The following RASGRP3 variants were observed in gnomAD, a reference collection of about 807,000 sequenced individuals.
The protein encoded by RASGRP3 is RAS guanyl releasing protein 3.
RASGRP3 carries 54 observed loss-of-function variants against 82.7 expected under a neutral mutation model. The observed-to-expected ratio is 0.65, with a 90% CI of 0.52 to 0.82. The LOEUF is 0.82. RASGRP3 is among the 40% of genes least tolerant of loss of function. The probability of loss-of-function intolerance (pLI) is 0.00; values close to 1 mark genes in which losing one functional copy is unlikely to be tolerated. For synonymous variants in RASGRP3, 309 were observed against 300.5 expected, an observed-to-expected ratio of 1.03 and a Z score of -0.29; for missense variants, 861 against 828.9, an observed-to-expected ratio of 1.04 and a Z score of -0.48.
In RASGRP3 at chr2:33,543,595, C is replaced by A; in HGVS notation, c.1362C>A (p.Phe454Leu). Residue 454 changes from phenylalanine (F) to leucine (L), a missense_variant, in exon 13 of 18, where the codon TTC becomes TTA. Coordinates refer to ENST00000403687, the MANE Select transcript of RASGRP3 (RefSeq NM_001139488.2). ...AAAGTATAGCTGCCAATTTTCCCTTCTTGGATTCCTTCTGTGTTCTGGACA... is the reference window on the plus strand; with the variant it reads ...AAAGTATAGCTGCCAATTTTCCCTTATTGGATTCCTTCTGTGTTCTGGACA... ...DFESIAANFP[F>L]LDSFCVLDKD... The A allele has an allele frequency of 6.2e-7, 1 of 1,607,532 alleles. No individual in the cohort carries two copies. Among genetic ancestry groups the A allele is most frequent in the Non-Finnish European group, 8.5e-7 (1 of 1,174,592 alleles).
upstream of RASGRP3, among the ~76,000 whole-genome samples, chr2:33,472,628 G>T (rs560133494): frequency 1.3e-5 from 2 of 152,256 alleles, no homozygotes; most frequent in African/African-American, 4.8e-5. Context: ...CGCCATGGGA[G>T]AGCTTTTCAA....
At chr2:33,537,330 C>CACA (rs149899270) in intron 11 of RASGRP3, among the ~76,000 whole-genome samples, 3,702 of 95,634 alleles carry the variant, frequency 0.039, 512 homozygotes, top group East Asian at 0.33. Flanking sequence ...ACCGCCCCCC[C>CACA]CACACACACA....
intron 16 of RASGRP3, 145 bp downstream of exon 16, chr2:33,558,481 C>T: frequency 7.6e-7 from 1 of 1,317,566 alleles, no homozygotes; most frequent in Non-Finnish European, 1.0e-6. Context: ...TAGCTAAACC[C>T]TTGAATCATC....
chr2:33,500,296 G>A (rs1484181131), intron 1 of RASGRP3, among the ~76,000 whole-genome samples: 1 of 152,144 alleles, frequency 6.6e-6, no homozygotes, highest in African/African-American at 2.4e-5. Context: ...TTTGGAGACA[G>A]GAGTTCCGCA....
At chr2:33,556,239 T>A (rs1205213896) in intron 15 of RASGRP3, among the ~76,000 whole-genome samples, 1 of 16,122 alleles carries the variant, frequency 6.2e-5, no homozygotes. Context: ...ATCTTTTTTT[T>A]TTTTTTTTTT....
At chr2:33,457,306 T>C (rs1206735238) in intron 2 of RASGRP3, among the ~76,000 whole-genome samples, 1 of 152,216 alleles carries the variant, frequency 6.6e-6, no homozygotes, top group Non-Finnish European at 1.5e-5. Context: ...TAAAAAAACC[T>C]GGAACCCTCT....
intron 12 of RASGRP3, 39 bp from the exon 13 acceptor site, chr2:33,543,473 C>T (rs903437061): frequency 4.5e-6 from 6 of 1,328,884 alleles, no homozygotes; most frequent in Non-Finnish European, 6.4e-6. Context: ...CAGAGCCTGC[C>T]TTATAGTCAT....
At chr2:33,442,703 T>C (rs1574213921) in intron 1 of RASGRP3, among the ~76,000 whole-genome samples, 1 of 152,192 alleles carries the variant, frequency 6.6e-6, no homozygotes, top group East Asian at 1.9e-4. Flanking sequence ...TTTTTCATAA[T>C]TGTTTTAGTA....
chr2:33,550,961 G>T (rs1675298711), intron 14 of RASGRP3, among the ~76,000 whole-genome samples: 1 of 152,190 alleles, frequency 6.6e-6, no homozygotes, highest in Non-Finnish European at 1.5e-5. Flanking sequence ...CTGCAGAGAA[G>T]GTGAAGTTCT....
At chr2:33,449,484 G>A (rs539088315) in intron 2 of RASGRP3, among the ~76,000 whole-genome samples, 7 of 152,074 alleles carry the variant, frequency 4.6e-5, no homozygotes, top group Admixed American at 2.6e-4. Context: ...TATTTAGGCC[G>A]GGCGCGGTGG....
intron 1 of RASGRP3, among the ~76,000 whole-genome samples, chr2:33,477,853 G>A (rs1002146653): frequency 2.4e-4 from 37 of 152,126 alleles, no homozygotes; most frequent in Middle Eastern, 3.2e-3. Flanking sequence ...TCTTGAGGAG[G>A]GTGGGCAGAG....
Position 33,523,911 on chromosome 2 carries a change from C to T in RASGRP3, c.549C>T (p.Gly183=), listed in dbSNP as rs1672275243. 6.2e-7 allele frequency: 1 copy of T among 1,613,324 alleles called. No homozygotes were observed. The highest frequency in any genetic ancestry group is 1.3e-5 in the African/African-American group (1 of 74,912). ...ATTACCAAAGCTATGTCATCCATGGCTGCCTGGAGAATAATCCAACCTTGG... is the reference window on the plus strand; with the variant it reads ...ATTACCAAAGCTATGTCATCCATGGTTGCCTGGAGAATAATCCAACCTTGG... The part of the protein sequence containing the change: ...FTDYQSYVIH[G]CLENNPTLER... Residue 183 remains glycine (G), a synonymous_variant, in exon 8 of 18, where the codon GGC becomes GGT. Transcript: ENST00000403687.
At chr2:33,510,753 G>C (rs112976298) in intron 1 of RASGRP3, among the ~76,000 whole-genome samples, 1 of 152,104 alleles carries the variant, frequency 6.6e-6, no homozygotes, top group Non-Finnish European at 1.5e-5. Context: ...AGTAAAGTAC[G>C]CAGCATTATG....
intron 1 of RASGRP3, among the ~76,000 whole-genome samples, chr2:33,445,455 AT>A (rs1227007744): frequency 2.0e-5 from 3 of 152,242 alleles, no homozygotes; most frequent in Non-Finnish European, 2.9e-5. Flanking sequence ...CATTCATTGC[AT>A]GATTTACAAA....
chr2:33,525,800 C>A (rs1217702545), intron 9 of RASGRP3, among the ~76,000 whole-genome samples: 2 of 151,376 alleles, frequency 1.3e-5, no homozygotes, highest in Non-Finnish European at 2.9e-5. Flanking sequence ...TCACTTGAGC[C>A]CAGGAGTTTG....
At chr2:33,501,615 TC>T (rs1669885633) in intron 1 of RASGRP3, among the ~76,000 whole-genome samples, 1 of 152,228 alleles carries the variant, frequency 6.6e-6, no homozygotes, top group Admixed American at 6.5e-5. Flanking sequence ...CAATCCCAAG[TC>T]CACCTGTCTC....
Position 33,562,791 on chromosome 2 carries a change from C to G in RASGRP3, c.*54C>G. 1.3e-6 allele frequency: 2 copies of G among 1,591,786 alleles called. No homozygotes were observed. Among genetic ancestry groups the G allele is most frequent in the South Asian group, 2.2e-5 (2 of 90,310 alleles). On this transcript the variant is annotated 3_prime_UTR_variant, in exon 18 of 18. Coordinates refer to ENST00000403687, the MANE Select transcript of RASGRP3 (RefSeq NM_001139488.2). Reference sequence around the variant, plus strand: ...ATGTTGGCTTTTGGAAGGGGCAAGACGAGAAACTCTGAAGAAAGCTCTGAC... The same window carrying G: ...ATGTTGGCTTTTGGAAGGGGCAAGAGGAGAAACTCTGAAGAAAGCTCTGAC...
intron 1 of RASGRP3, among the ~76,000 whole-genome samples, chr2:33,508,991 C>G (rs1211096386): frequency 6.6e-6 from 1 of 152,186 alleles, no homozygotes; most frequent in African/African-American, 2.4e-5. Flanking sequence ...AGAACTAAAG[C>G]AAGGCTGGCA....
intron 1 of RASGRP3, among the ~76,000 whole-genome samples, chr2:33,511,086 C>A (rs1670884087): frequency 6.6e-6 from 1 of 152,252 alleles, no homozygotes; most frequent in Admixed American, 6.5e-5. Flanking sequence ...AAAAATAACA[C>A]TTTTCTTTTA....
Sources: allele counts gnomAD v4.1 joint callset (sites outside exome capture counted in the v4.1 genomes callset), GRCh38; gene constraint gnomAD v4.1.1; transcripts MANE v1.5; gene names NCBI Gene and HGNC (gene_info 2026-07-23, HGNC 2026-07-21).